The following CELF2 variants were observed in gnomAD, a reference collection of about 807,000 sequenced individuals.
CELF2 encodes CUGBP Elav-like family member 2.
In CELF2, 8 loss-of-function variants were observed where a neutral mutation model predicts 62.6. The ratio of observed to expected loss-of-function variants is 0.13; its 90% CI spans 0.07 to 0.23. The LOEUF (loss-of-function observed/expected upper bound fraction) is 0.23. Among genes scored for constraint, CELF2 ranks in the 10% least tolerant of loss-of-function variants. The pLI, the probability that CELF2 is intolerant of heterozygous loss-of-function variation, is 1.00. For synonymous variants in CELF2, 258 were observed against 250.0 expected, an observed-to-expected ratio of 1.03 and a Z score of -0.30; for missense variants, 333 against 671.0, an observed-to-expected ratio of 0.50 and a Z score of 5.56.
At chr10:10,895,116 G>A (rs1406961858) in intron 1 of CELF2, among the ~76,000 whole-genome samples, 3 of 152,156 alleles carry the variant, frequency 2.0e-5, no homozygotes, top group African/African-American at 7.2e-5. Flanking sequence ...TAACCTGGCT[G>A]AAGTCGCACA....
intron 8 of CELF2, among the ~76,000 whole-genome samples, chr10:11,286,138 T>C (rs148832086): frequency 9.7e-4 from 147 of 152,312 alleles, no homozygotes; most frequent in African/African-American, 3.2e-3. Flanking sequence ...GTCTCCTCCA[T>C]GGCTGTGAGG....
rs552776570 is a variant in CELF2 at position 10,805,751 on chromosome 10, G to C, written c.53+6934G>C. ...CCCGGCTGGAGTTTGATCATAGAGA[G>C]AGTCTTTAGGAGTCCTTTTCTTGCT... On this transcript the variant is annotated intron_variant, in intron 1 of 13. Transcript: ENST00000636488. Among the ~76,000 whole-genome samples the C allele has an allele frequency of 2.0e-5, 3 of 152,280 alleles. No individual in the cohort carries two copies. The South Asian group carries it at 6.2e-4, about 32-fold the overall frequency.
the CELF2 span, among the ~76,000 whole-genome samples, chr10:10,753,727 C>A: frequency 6.6e-6 from 1 of 152,154 alleles, no homozygotes; most frequent in African/African-American, 2.4e-5. Flanking sequence ...AATTTTCCTA[C>A]CTTAGGGACT....
Position 11,333,613 on chromosome 10 carries a change from A to G in CELF2, c.*4560A>G, listed in dbSNP as rs550841740. Reference sequence around the variant, plus strand: ...TTGAATAATGTCATACAAAAAATGTATTTGTTTTTTTGTGCTGTGAGAATT... The same window carrying G: ...TTGAATAATGTCATACAAAAAATGTGTTTGTTTTTTTGTGCTGTGAGAATT... On this transcript the variant is annotated 3_prime_UTR_variant, in exon 13 of 13. Coordinates refer to ENST00000633077, the MANE Select transcript of CELF2 (RefSeq NM_001326342.2). 2 of 152,668 alleles carry G rather than the reference A, an allele frequency of 1.3e-5. No individual in the cohort carries two copies. Among genetic ancestry groups the G allele is most frequent in the East Asian group, 1.9e-4 (1 of 5,192 alleles). The allele number at this position is 152,668 out of a possible 1,614,324, so 9.5% of individuals were successfully genotyped here.
chr10:11,036,836 A>G (rs1017907116), intron 1 of CELF2, among the ~76,000 whole-genome samples: 4 of 152,126 alleles, frequency 2.6e-5, no homozygotes, highest in African/African-American at 4.8e-5. Context: ...TATGTGTTCC[A>G]TGTGCCTTTG....
At chr10:10,866,812 C>T (rs144029872) in intron 1 of CELF2, among the ~76,000 whole-genome samples, 2,121 of 148,978 alleles carry the variant, frequency 0.014, 27 homozygotes, top group Middle Eastern at 0.046. Context: ...CCCAGCTACC[C>T]GGGAGGCTGA....
In CELF2 at chr10:11,063,266, C is replaced by G. The variant is rs188103851; in HGVS notation, c.74+45103C>G. On this transcript the variant is annotated intron_variant, in intron 1 of 12. Coordinates refer to ENST00000633077, the MANE Select transcript of CELF2 (RefSeq NM_001326342.2). ...TATGTCAGTATTTAGGAACATGGCA[C>G]ATACAGAAGGGGGCTACCTATGAAA... 2.7e-3 allele frequency among the ~76,000 whole-genome samples: 408 copies of G among 152,280 alleles called. 2 individuals are homozygous for G. Among genetic ancestry groups the G allele is most frequent in the Non-Finnish European group, 4.1e-3 (277 of 68,002 alleles).
intron 2 of CELF2, among the ~76,000 whole-genome samples, chr10:10,985,255 T>A (rs1036960595): frequency 2.6e-5 from 4 of 152,136 alleles, no homozygotes; most frequent in Non-Finnish European, 5.9e-5. Flanking sequence ...TGAAAACTTA[T>A]TCTTAATACA....
intron 1 of CELF2, among the ~76,000 whole-genome samples, chr10:11,116,214 C>T (rs1681608993): frequency 6.6e-6 from 1 of 152,164 alleles, no homozygotes; most frequent in African/African-American, 2.4e-5. Context: ...AAGACTAAGC[C>T]ATCTACAGTT....
chr10:10,757,656 T>A, the CELF2 span, among the ~76,000 whole-genome samples: 1 of 152,106 alleles, frequency 6.6e-6, no homozygotes. Flanking sequence ...AACTACAGAC[T>A]TTTTCCCAAA....
chr10:11,257,690 A>G (rs550796453), intron 4 of CELF2, 48 bp from the exon 5 acceptor site: 1 of 1,599,538 alleles, frequency 6.3e-7, no homozygotes, highest in East Asian at 2.2e-5. Context: ...TGATTACAAG[A>G]AAAAAAGATG....
the CELF2 span, among the ~76,000 whole-genome samples, chr10:10,635,429 C>A: frequency 1.8e-4 from 28 of 152,152 alleles, no homozygotes; most frequent in African/African-American, 6.3e-4. Flanking sequence ...TCTAGAAGGT[C>A]GTTCCACTTT....
chr10:10,550,879 G>A, the CELF2 span, among the ~76,000 whole-genome samples: 1 of 151,384 alleles, frequency 6.6e-6, no homozygotes, highest in Non-Finnish European at 1.5e-5. Context: ...TGTATTTTTA[G>A]TAGAGATGGG....
At chr10:10,817,880 G>T (rs146491660) in intron 1 of CELF2, among the ~76,000 whole-genome samples, 1 of 152,158 alleles carries the variant, frequency 6.6e-6, no homozygotes, top group Non-Finnish European at 1.5e-5. Flanking sequence ...GAGGCCCAGT[G>T]TATAGTAAGA....
intron 2 of CELF2, among the ~76,000 whole-genome samples, chr10:10,943,334 C>T (rs192254332): frequency 5.3e-5 from 8 of 152,274 alleles, no homozygotes; most frequent in Non-Finnish European, 2.9e-5. Flanking sequence ...GCAGAACTCC[C>T]ACATGGGGCC....
At position 11,332,749 on chromosome 10, in the gene CELF2, A is replaced by C. The variant is rs1028294250; in HGVS notation, c.*3696A>C. 1 of 152,328 alleles carries C rather than the reference A, an allele frequency of 6.6e-6. No homozygotes were observed. Among genetic ancestry groups the C allele is most frequent in the African/African-American group, 2.4e-5 (1 of 41,098 alleles). The allele number at this position is 152,328 out of a possible 1,614,324, so 9.4% of individuals were successfully genotyped here. ...GGACTAGCCTCTACTGATGCAAAAA[A>C]ACAAAAAGCAACACAAACGTTTCCT... On this transcript the variant is annotated 3_prime_UTR_variant, in exon 13 of 13. Transcript: ENST00000633077.
the CELF2 span, among the ~76,000 whole-genome samples, chr10:10,573,388 A>G: frequency 3.3e-5 from 5 of 152,132 alleles, no homozygotes; most frequent in African/African-American, 1.2e-4. Context: ...TTTTGCTGCA[A>G]TCGTTTTGGT....
At chr10:10,916,786 T>C (rs1237546245) in intron 1 of CELF2, among the ~76,000 whole-genome samples, 2 of 152,066 alleles carry the variant, frequency 1.3e-5, no homozygotes, top group Admixed American at 1.3e-4. Flanking sequence ...CTAATTTTTG[T>C]ATTTTTAGTA....
chr10:10,468,245 C>A, the CELF2 span, among the ~76,000 whole-genome samples: 6 of 151,994 alleles, frequency 3.9e-5, no homozygotes, highest in Non-Finnish European at 8.8e-5. Flanking sequence ...TACTATCTTT[C>A]TTTGGCCCTC....
Sources: allele counts gnomAD v4.1 joint callset (sites outside exome capture counted in the v4.1 genomes callset), GRCh38; gene constraint gnomAD v4.1.1; transcripts MANE v1.5; gene names NCBI Gene and HGNC (gene_info 2026-07-23, HGNC 2026-07-21).